The following BMPR1B variants were observed in gnomAD, a reference collection of about 807,000 sequenced individuals.
The protein encoded by BMPR1B is bone morphogenetic protein receptor type-1B.
BMPR1B carries 12 observed loss-of-function variants against 59.1 expected under a neutral mutation model. The observed-to-expected ratio is 0.20, with a 90% CI of 0.13 to 0.33. The LOEUF (loss-of-function observed/expected upper bound fraction) is 0.33. BMPR1B is among the 10% of genes least tolerant of loss of function. The pLI, the probability that BMPR1B is intolerant of heterozygous loss-of-function variation, is 1.00. For missense variants in BMPR1B, 550 were observed against 610.9 expected, an observed-to-expected ratio of 0.90 and a Z score of 1.05; for synonymous variants, 237 against 207.3, an observed-to-expected ratio of 1.14 and a Z score of -1.23.
At chr4:94,897,941 C>CTTTT (rs869186341) in intron 2 of BMPR1B, among the ~76,000 whole-genome samples, 26 of 90,330 alleles carry the variant, frequency 2.9e-4, no homozygotes, top group African/African-American at 6.1e-4. Flanking sequence ...AATTCTTTTC[C>CTTTT]TTTTTTTTTT....
intron 3 of BMPR1B, among the ~76,000 whole-genome samples, chr4:95,020,717 C>T (rs958297369): frequency 6.6e-6 from 1 of 152,046 alleles, no homozygotes; most frequent in Non-Finnish European, 1.5e-5. Flanking sequence ...AGTTTTGAGA[C>T]ACGTTATTGT....
chr4:94,998,663 A>G (rs1001705822), intron 3 of BMPR1B, among the ~76,000 whole-genome samples: 2 of 151,960 alleles, frequency 1.3e-5, no homozygotes, highest in Non-Finnish European at 2.9e-5. Context: ...GTGAGCCACC[A>G]CGCCCAGCCT....
chr4:94,760,531 C>T (rs1473451019), intron 1 of BMPR1B, among the ~76,000 whole-genome samples: 1 of 152,218 alleles, frequency 6.6e-6, no homozygotes, highest in Non-Finnish European at 1.5e-5. Context: ...TCTGAGCACT[C>T]AAATCGTATT....
In BMPR1B at chr4:94,887,596, C is replaced by T. The variant is rs552313624; in HGVS notation, c.-113+11696C>T. ...TTGGTAAATAAATACAAGAAAATGA[C>T]AAAATTATCTCAAAAATGAAGATAA... is the stretch of plus-strand genomic sequence containing the variant. On this transcript the variant is annotated intron_variant, in intron 2 of 12. Transcript: ENST00000515059. 2.9e-4 allele frequency among the ~76,000 whole-genome samples: 44 copies of T among 151,538 alleles called. No individual in the cohort carries two copies. In the South Asian group the frequency reaches 8.5e-3, roughly 29 times the overall value.
chr4:94,942,900 C>G (rs549476868), intron 2 of BMPR1B, among the ~76,000 whole-genome samples: 4 of 152,324 alleles, frequency 2.6e-5, no homozygotes, highest in African/African-American at 9.6e-5. Flanking sequence ...AACTATCTAA[C>G]ACTTTCTCCG....
At chr4:94,916,958 A>G (rs7690226) in intron 2 of BMPR1B, among the ~76,000 whole-genome samples, 39,689 of 152,184 alleles carry the variant, frequency 0.26, 6,213 homozygotes, top group African/African-American at 0.44. Context: ...ATCCTGGCTG[A>G]TCTGGCAGCC....
At chr4:94,955,790 G>T (rs763603772) in intron 2 of BMPR1B, among the ~76,000 whole-genome samples, 16 of 151,878 alleles carry the variant, frequency 1.1e-4, no homozygotes, top group Non-Finnish European at 2.4e-4. Flanking sequence ...CCCCACACCC[G>T]GCTAAATTTT....
chr4:94,958,462 G>T (rs550069744), intron 2 of BMPR1B, among the ~76,000 whole-genome samples: 40 of 152,216 alleles, frequency 2.6e-4, no homozygotes, highest in African/African-American at 8.7e-4. Flanking sequence ...TCTCTCCTTG[G>T]CTTTCATTTG....
At chr4:95,055,959 T>C (rs1455387638) in intron 3 of BMPR1B, among the ~76,000 whole-genome samples, 1 of 152,202 alleles carries the variant, frequency 6.6e-6, no homozygotes, top group African/African-American at 2.4e-5. Flanking sequence ...ATTTAGAACA[T>C]TGTACAAATC....
At chr4:95,063,688 A>C (rs894258491) in intron 3 of BMPR1B, among the ~76,000 whole-genome samples, 1 of 152,210 alleles carries the variant, frequency 6.6e-6, no homozygotes, top group African/African-American at 2.4e-5. Flanking sequence ...TAAAATCAGT[A>C]GTAGTAAATA....
intron 3 of BMPR1B, among the ~76,000 whole-genome samples, chr4:95,032,621 T>C (rs1285872580): frequency 6.6e-6 from 1 of 152,204 alleles, no homozygotes; most frequent in Non-Finnish European, 1.5e-5. Context: ...GCATACAATC[T>C]TTAATGTTTT....
intron 3 of BMPR1B, among the ~76,000 whole-genome samples, chr4:95,063,749 C>G (rs965600038): frequency 3.3e-5 from 5 of 151,940 alleles, no homozygotes; most frequent in African/African-American, 1.2e-4. Context: ...GAAAAACATG[C>G]TGTATGACAT....
At position 95,150,934 on chromosome 4, in the gene BMPR1B, A is replaced by G. The variant is rs1033117330; in HGVS notation, c.1253-1709A>G. Reference sequence around the variant, plus strand: ...AATTTAATAAGATAATTTATATAGCATACCTGTTTCCACAACTGGGATAGA... The same window carrying G: ...AATTTAATAAGATAATTTATATAGCGTACCTGTTTCCACAACTGGGATAGA... On this transcript the variant is annotated intron_variant, in intron 11 of 12. Coordinates refer to ENST00000515059, the MANE Select transcript of BMPR1B (RefSeq NM_001203.3). Among the ~76,000 whole-genome samples, 7 of 152,332 alleles carry G rather than the reference A, an allele frequency of 4.6e-5. No individual in the cohort carries two copies. The South Asian group carries it at 6.2e-4, about 14-fold the overall frequency.
intron 1 of BMPR1B, among the ~76,000 whole-genome samples, chr4:94,799,326 C>CA (rs1560490670): frequency 6.7e-6 from 1 of 148,632 alleles, no homozygotes; most frequent in Admixed American, 6.7e-5. Context: ...TTCCTGGAGA[C>CA]ACAGTCTTGC....
chr4:95,077,567 C>T (rs181540179), intron 3 of BMPR1B, among the ~76,000 whole-genome samples: 112 of 152,218 alleles, frequency 7.4e-4, no homozygotes, highest in African/African-American at 2.5e-3. Flanking sequence ...CCACTTTCTA[C>T]GTAGAATTTT....
chr4:95,154,960 G>GT lies in BMPR1B; in HGVS notation c.*287_*288insT. The GT allele has an allele frequency of 2.9e-6, 1 of 350,638 alleles. No homozygotes were observed. The highest frequency in any genetic ancestry group is 3.5e-5 in the South Asian group (1 of 28,348). 21.7% of individuals were successfully genotyped at this position (350,638 alleles called of 1,614,324 possible). Reference sequence around the variant, plus strand: ...TAAGAAAGCCCTGTATTTTGTGATTGCCTTTTTTTTTTTTTAAGATGCTTT... The same window carrying GT: ...TAAGAAAGCCCTGTATTTTGTGATTGTCCTTTTTTTTTTTTTAAGATGCTTT... On this transcript the variant is annotated 3_prime_UTR_variant, in exon 13 of 13. Transcript: ENST00000515059.
intron 6 of BMPR1B, among the ~76,000 whole-genome samples, chr4:95,121,170 C>T (rs1407592578): frequency 1.3e-5 from 2 of 152,138 alleles, no homozygotes; most frequent in South Asian, 2.1e-4. Context: ...GAACACACTC[C>T]CATTTACAAT....
intron 2 of BMPR1B, among the ~76,000 whole-genome samples, chr4:94,985,305 A>G (rs1560580419): frequency 6.6e-6 from 1 of 152,160 alleles, no homozygotes; most frequent in South Asian, 2.1e-4. Flanking sequence ...TTAAAGTTAG[A>G]TAAAAGCTAA....
chr4:95,010,833 C>G (rs1425574418), intron 3 of BMPR1B, among the ~76,000 whole-genome samples: 2 of 152,126 alleles, frequency 1.3e-5, no homozygotes, highest in African/African-American at 4.8e-5. Flanking sequence ...GACAGATTCT[C>G]TCTCCTACTA....
Sources: allele counts gnomAD v4.1 joint callset (sites outside exome capture counted in the v4.1 genomes callset), GRCh38; gene constraint gnomAD v4.1.1; transcripts MANE v1.5; gene names NCBI Gene and HGNC (gene_info 2026-07-23, HGNC 2026-07-21).